Variants in DTD1 observed in about 807,000 individuals in gnomAD.
The protein encoded by DTD1 is D-tyrosyl-tRNA deacylase 1 homolog.
In DTD1, 13 loss-of-function variants were observed where a neutral mutation model predicts 25.6. That is an observed-to-expected ratio of 0.51 (90% CI 0.33 to 0.81). The LOEUF is 0.81. Among genes scored for constraint, DTD1 ranks in the 30% least tolerant of loss-of-function variants. The pLI is 0.02. For synonymous variants in DTD1, 110 were observed against 103.6 expected (o/e 1.06, Z -0.37); for missense variants, 193 against 266.4 (o/e 0.72, Z 1.92).
chr20:18,595,747 T>A (rs937871267), intron 2 of DTD1, among the ~76,000 whole-genome samples: 2 of 152,184 alleles, frequency 1.3e-5, no homozygotes, highest in Non-Finnish European at 2.9e-5. Flanking sequence ...CAGTAGCTGC[T>A]ATGAACTGGA....
At chr20:18,669,905 A>T (rs1415050544) in intron 4 of DTD1, among the ~76,000 whole-genome samples, 2 of 152,176 alleles carry the variant, frequency 1.3e-5, no homozygotes, top group Non-Finnish European at 2.9e-5. Context: ...ATCAAACTTC[A>T]GGCGAGCCAG....
At chr20:18,632,040 C>A in intron 4 of DTD1, 1 of 851,712 alleles carries the variant, frequency 1.2e-6, no homozygotes, top group Non-Finnish European at 1.4e-6. Flanking sequence ...TCAGCACACA[C>A]AGAATAAAGG....
chr20:18,667,997 A>G (rs2060938234), intron 4 of DTD1, among the ~76,000 whole-genome samples: 1 of 152,226 alleles, frequency 6.6e-6, no homozygotes, highest in Non-Finnish European at 1.5e-5. Flanking sequence ...CTGTCTGCAC[A>G]TGTGTATGGC....
chr20:18,754,223 G>C (rs1318560581), intron 5 of DTD1, among the ~76,000 whole-genome samples: 2 of 152,236 alleles, frequency 1.3e-5, no homozygotes. Flanking sequence ...TACGTGGGCT[G>C]TGAAGGGTTT....
At chr20:18,713,377 A>G (rs926827077) in intron 4 of DTD1, among the ~76,000 whole-genome samples, 4 of 152,216 alleles carry the variant, frequency 2.6e-5, no homozygotes, top group Non-Finnish European at 5.9e-5. Flanking sequence ...CAGGGTTTCT[A>G]TGCATGCTTG....
intron 3 of DTD1, among the ~76,000 whole-genome samples, chr20:18,606,469 A>G (rs1308158358): frequency 8.0e-6 from 1 of 124,908 alleles, no homozygotes; most frequent in East Asian, 2.1e-4. Context: ...CTATAAAGAC[A>G]CATGCACACG....
intron 3 of DTD1, among the ~76,000 whole-genome samples, chr20:18,612,571 C>T (rs947017134): frequency 6.6e-6 from 1 of 152,174 alleles, no homozygotes; most frequent in African/African-American, 2.4e-5. Context: ...ATCGAACCAG[C>T]AGCTGTCTCT....
chr20:18,692,999 T>G (rs986787088), intron 4 of DTD1, among the ~76,000 whole-genome samples: 1 of 150,122 alleles, frequency 6.7e-6, no homozygotes, highest in Non-Finnish European at 1.5e-5. Context: ...CAAGCGATTC[T>G]CCTGCCTCAG....
chr20:18,616,096 T>C (rs917330791), intron 3 of DTD1, among the ~76,000 whole-genome samples: 1 of 152,260 alleles, frequency 6.6e-6, no homozygotes. Context: ...GAAATTATAA[T>C]GTGGGATCGT....
intron 3 of DTD1, among the ~76,000 whole-genome samples, chr20:18,616,374 T>C (rs764231840): frequency 6.6e-6 from 1 of 152,188 alleles, no homozygotes; most frequent in Non-Finnish European, 1.5e-5. Flanking sequence ...ATATCTACTT[T>C]CGTTATTAAA....
chr20:18,674,778 A>G (rs1457198716), intron 4 of DTD1: 1 of 152,482 alleles, frequency 6.6e-6, no homozygotes, highest in East Asian at 1.9e-4. Flanking sequence ...CCTGGGCAGA[A>G]TAGTGTGGGT....
intron 4 of DTD1, among the ~76,000 whole-genome samples, chr20:18,731,870 T>A (rs1450585106): frequency 6.6e-6 from 1 of 152,180 alleles, no homozygotes. Flanking sequence ...CTTTCTTTTC[T>A]CCTTGAAGCC....
intron 4 of DTD1, among the ~76,000 whole-genome samples, chr20:18,709,597 G>A (rs966103411): frequency 5.3e-5 from 8 of 152,292 alleles, no homozygotes; most frequent in Admixed American, 1.3e-4. Context: ...GTGGGCAGAC[G>A]GTCACTAAGG....
intron 4 of DTD1, among the ~76,000 whole-genome samples, chr20:18,659,492 T>C (rs990212641): frequency 4.6e-5 from 7 of 152,266 alleles, no homozygotes; most frequent in African/African-American, 1.2e-4. Flanking sequence ...TAACCATATC[T>C]TTTAATGTCA....
At chr20:18,609,682 A>T (rs1279676297) in intron 3 of DTD1, among the ~76,000 whole-genome samples, 1 of 151,984 alleles carries the variant, frequency 6.6e-6, no homozygotes, top group Non-Finnish European at 1.5e-5. Context: ...TTCTCTTTCT[A>T]CTTGTAAAAA....
intron 4 of DTD1, among the ~76,000 whole-genome samples, chr20:18,680,484 C>T (rs1184074221): frequency 1.3e-5 from 2 of 149,128 alleles, no homozygotes; most frequent in East Asian, 4.0e-4. Flanking sequence ...TCAAGTGATC[C>T]TCGCATCTGG....
intron 3 of DTD1, among the ~76,000 whole-genome samples, chr20:18,608,716 G>A (rs1341145074): frequency 3.3e-5 from 5 of 152,282 alleles, no homozygotes; most frequent in Non-Finnish European, 7.3e-5. Context: ...TATAGGCCAT[G>A]GCTGTCATAT....
intron 4 of DTD1, among the ~76,000 whole-genome samples, chr20:18,726,902 G>A (rs913002483): frequency 2.9e-5 from 2 of 69,890 alleles, no homozygotes; most frequent in Non-Finnish European, 7.8e-5. Flanking sequence ...CCTTGGAGCT[G>A]ACTTTATCTT....
At chr20:18,657,536 AG>A (rs1004364749) in intron 4 of DTD1, among the ~76,000 whole-genome samples, 2 of 152,228 alleles carry the variant, frequency 1.3e-5, no homozygotes, top group African/African-American at 4.8e-5. Context: ...GGCCAACAAA[AG>A]GAGCAGAATG....
Sources: gnomAD v4.1 joint callset for allele counts (sites outside exome capture counted in the v4.1 genomes callset) on GRCh38, gnomAD v4.1.1 for gene constraint, MANE v1.5 for transcripts, NCBI Gene and HGNC (gene_info 2026-07-23, HGNC 2026-07-21) for gene names.